The following TDRD3 variants were observed in gnomAD, a reference collection of about 807,000 sequenced individuals.
TDRD3 encodes tudor domain-containing protein 3.
TDRD3 carries 45 observed loss-of-function variants against 86.7 expected under a neutral mutation model. That is an observed-to-expected ratio of 0.52 (90% CI 0.41 to 0.67). The LOEUF (loss-of-function observed/expected upper bound fraction) is 0.67. Among genes scored for constraint, TDRD3 ranks in the 30% least tolerant of loss-of-function variants. The pLI is 0.00. For synonymous variants in TDRD3, 298 were observed against 301.7 expected, an observed-to-expected ratio of 0.99 and a Z score of 0.13; for missense variants, 814 against 889.0, an observed-to-expected ratio of 0.92 and a Z score of 1.07.
chr13:60,528,352 A>T lies in TDRD3; in HGVS notation c.1142-15A>T, dbSNP rs757713222. On this transcript the variant is annotated splice_polypyrimidine_tract_variant and intron_variant, in intron 10 of 13. Coordinates refer to ENST00000377881, the MANE Select transcript of TDRD3 (RefSeq NM_001146070.2). ...CTTCATCTTAATTTGCATATGGTAT[A>T]CTTTTACCTTTCAGAACCTAAATCA... 8.2e-6 allele frequency: 13 copies of T among 1,584,350 alleles called. No homozygotes were observed. The highest frequency in any genetic ancestry group is 1.1e-5 in the Non-Finnish European group (13 of 1,166,820).
chr13:60,520,491 C>T (rs188312430), intron 10 of TDRD3, among the ~76,000 whole-genome samples: 3 of 152,266 alleles, frequency 2.0e-5, no homozygotes, highest in Admixed American at 6.5e-5. Context: ...CTCATTAGGG[C>T]TCACCTAAAC....
intron 11 of TDRD3, among the ~76,000 whole-genome samples, chr13:60,532,275 G>A (rs781607715): frequency 6.6e-6 from 1 of 152,136 alleles, no homozygotes; most frequent in Non-Finnish European, 1.5e-5. Flanking sequence ...CATTCTTAGG[G>A]TAACTGAATG....
At chr13:60,550,467 A>C (rs2137896331) in intron 12 of TDRD3, among the ~76,000 whole-genome samples, 1 of 152,234 alleles carries the variant, frequency 6.6e-6, no homozygotes, top group Non-Finnish European at 1.5e-5. Flanking sequence ...GTGTCTGTAG[A>C]TACGAAGAGA....
At chr13:60,513,948 G>A (rs530314858) in intron 10 of TDRD3, among the ~76,000 whole-genome samples, 114 of 152,296 alleles carry the variant, frequency 7.5e-4, no homozygotes, top group Non-Finnish European at 9.7e-4. Flanking sequence ...AAGATAACCC[G>A]AAAATGTGGA....
At chr13:60,569,876 G>A (rs1482016933) in intron 13 of TDRD3, among the ~76,000 whole-genome samples, 1 of 152,158 alleles carries the variant, frequency 6.6e-6, no homozygotes, top group Non-Finnish European at 1.5e-5. Context: ...GTATATGGAT[G>A]AATGAAACTA....
chr13:60,558,374 C>T (rs1199968381), intron 12 of TDRD3, among the ~76,000 whole-genome samples: 1 of 152,158 alleles, frequency 6.6e-6, no homozygotes, highest in Non-Finnish European at 1.5e-5. Flanking sequence ...GATTAGTGCT[C>T]ATATGTCTTA....
intron 1 of TDRD3, among the ~76,000 whole-genome samples, chr13:60,411,567 G>T (rs756746589): frequency 1.3e-5 from 2 of 152,176 alleles, no homozygotes; most frequent in Non-Finnish European, 2.9e-5. Context: ...GCTGATGTAA[G>T]AGAAGCCTGG....
intron 1 of TDRD3, among the ~76,000 whole-genome samples, chr13:60,403,716 T>G (rs1954160250): frequency 6.6e-6 from 1 of 152,198 alleles, no homozygotes; most frequent in Non-Finnish European, 1.5e-5. Flanking sequence ...AGAGCCTATA[T>G]GTACCATAGC....
At chr13:60,450,883 T>A (rs1281583912) in intron 3 of TDRD3, among the ~76,000 whole-genome samples, 1 of 152,156 alleles carries the variant, frequency 6.6e-6, no homozygotes, top group Non-Finnish European at 1.5e-5. Context: ...TGATTTTCAA[T>A]GAAGGAATAG....
chr13:60,524,271 C>T (rs1469194865), intron 10 of TDRD3, among the ~76,000 whole-genome samples: 4 of 152,056 alleles, frequency 2.6e-5, no homozygotes, highest in South Asian at 2.1e-4. Context: ...TTAGGGAGAC[C>T]GAGGGCGGGT....
rs768257900 is a variant in TDRD3 at position 60,494,559 on chromosome 13, G to T, written c.842G>T (p.Gly281Val). ...ACCAAATCAGAGGGAAAACATGAAG[G>T]TGTCTATAGAGAACTGGTAAGGCTA... is the stretch of plus-strand genomic sequence containing the variant. ...KSTKSEGKHE[G>V]VYRELVDEKA... The change falls in exon 8 of 14, where the codon GGT (glycine) becomes GTT (valine). Residue 281 changes from glycine (G) to valine (V), a missense_variant. By Grantham distance (109) the Gly-to-Val change is moderately radical (BLOSUM62 -3). Transcript: ENST00000377881. 1 of 1,613,584 alleles carries T rather than the reference G, an allele frequency of 6.2e-7. No individual in the cohort carries two copies. Among genetic ancestry groups the T allele is most frequent in the Non-Finnish European group, 8.5e-7 (1 of 1,179,724 alleles).
chr13:60,484,940 G>A (rs1956396014), intron 6 of TDRD3, among the ~76,000 whole-genome samples: 1 of 151,952 alleles, frequency 6.6e-6, no homozygotes, highest in South Asian at 2.1e-4. Context: ...GTGTTTTATA[G>A]CTTCTTAGGG....
intron 12 of TDRD3, among the ~76,000 whole-genome samples, chr13:60,557,883 T>A (rs1176590330): frequency 7.0e-6 from 1 of 142,406 alleles, no homozygotes; most frequent in Non-Finnish European, 1.5e-5. Context: ...GAGTGCAGTG[T>A]GCAATCTCGG....
intron 4 of TDRD3, among the ~76,000 whole-genome samples, chr13:60,465,204 C>T (rs1171978315): frequency 6.6e-6 from 1 of 152,098 alleles, no homozygotes; most frequent in Non-Finnish European, 1.5e-5. Flanking sequence ...CTACATAGGT[C>T]TTAGGTAAAT....
intron 3 of TDRD3, among the ~76,000 whole-genome samples, chr13:60,447,327 A>T (rs1024404153): frequency 9.9e-5 from 15 of 152,154 alleles, no homozygotes; most frequent in Non-Finnish European, 1.8e-4. Context: ...CCTGGATTTA[A>T]ATCTTCTTTC....
At chr13:60,474,053 T>C (rs1057249704) in intron 5 of TDRD3, among the ~76,000 whole-genome samples, 4 of 152,208 alleles carry the variant, frequency 2.6e-5, no homozygotes, top group African/African-American at 9.7e-5. Context: ...ACTTCAGTGG[T>C]CACGCTCCTG....
chr13:60,458,535 T>C (rs1228327332), intron 3 of TDRD3, among the ~76,000 whole-genome samples: 1 of 152,160 alleles, frequency 6.6e-6, no homozygotes, highest in South Asian at 2.1e-4. Context: ...TTGGATTTTT[T>C]TGACTACTAA....
chr13:60,442,423 G>T (rs1267381750), intron 2 of TDRD3, among the ~76,000 whole-genome samples: 2 of 151,826 alleles, frequency 1.3e-5, no homozygotes, highest in East Asian at 1.9e-4. Flanking sequence ...GTGTGCGTGG[G>T]TAGGTAGATG....
chr13:60,469,601 TTA>T (rs1956031590), intron 5 of TDRD3, among the ~76,000 whole-genome samples: 1 of 152,252 alleles, frequency 6.6e-6, no homozygotes, highest in South Asian at 2.1e-4. Context: ...TTTAATATGA[TTA>T]TAGTTCTTTT....
Sources: allele counts gnomAD v4.1 joint callset (sites outside exome capture counted in the v4.1 genomes callset), GRCh38; gene constraint gnomAD v4.1.1; transcripts MANE v1.5; gene names NCBI Gene and HGNC (gene_info 2026-07-23, HGNC 2026-07-21).